Variants in PDE2A observed in about 807,000 individuals in gnomAD.
The protein encoded by PDE2A is phosphodiesterase 2A.
PDE2A carries 53 observed loss-of-function variants against 133.6 expected under a neutral mutation model. That is an observed-to-expected ratio of 0.40 (90% CI 0.32 to 0.50). The LOEUF (loss-of-function observed/expected upper bound fraction) is 0.50, where lower values mean the gene tolerates loss of function less well. Ranked by LOEUF, PDE2A falls within the 20% of genes least tolerant of loss-of-function variation. The pLI, the probability that PDE2A is intolerant of heterozygous loss-of-function variation, is 0.73. For synonymous variants in PDE2A, 491 were observed against 490.2 expected (o/e 1.00, Z -0.02); for missense variants, 796 against 1,232.4 (o/e 0.65, Z 5.30).
At chr11:72,641,177 G>A (rs1368237243) in intron 2 of PDE2A, among the ~76,000 whole-genome samples, 4 of 152,196 alleles carry the variant, frequency 2.6e-5, no homozygotes, top group Admixed American at 6.5e-5. Context: ...TCAAGACCAG[G>A]GCAGCTGGGA....
intron 2 of PDE2A, among the ~76,000 whole-genome samples, chr11:72,624,255 T>C (rs1857933188): frequency 6.6e-6 from 1 of 152,162 alleles, no homozygotes; most frequent in Non-Finnish European, 1.5e-5. Context: ...AGTGCTGGGA[T>C]TATAGGTGTG....
chr11:72,584,382 G>A (rs752444993), intron 18 of PDE2A, 69 bp from the exon 19 acceptor site: 15 of 1,274,578 alleles, frequency 1.2e-5, no homozygotes, highest in South Asian at 3.7e-5. Context: ...GGATCCGGCC[G>A]GGACCTGCCC....
intron 4 of PDE2A, chr11:72,598,864 C>T: frequency 1.0e-6 from 1 of 985,426 alleles, no homozygotes; most frequent in Non-Finnish European, 1.2e-6. Context: ...TCCCACCTTC[C>T]AGCCCCTACA....
At chr11:72,635,998 C>A in intron 2 of PDE2A, 1 of 1,256,710 alleles carries the variant, frequency 8.0e-7, no homozygotes, top group Non-Finnish European at 1.0e-6. Context: ...CCCGAAACTC[C>A]CATGCCCTTC....
At chr11:72,588,659 G>T in intron 13 of PDE2A, 125 bp downstream of exon 13, 1 of 899,768 alleles carries the variant, frequency 1.1e-6, no homozygotes, top group Non-Finnish European at 1.7e-6. Context: ...CTAACACACT[G>T]TTCAACCCAC....
At chr11:72,658,160 CAG>C (rs1335855172) in intron 1 of PDE2A, 43 of 455,820 alleles carry the variant, frequency 9.4e-5, no homozygotes, top group Non-Finnish European at 1.1e-4. Context: ...GGAAGCCTTT[CAG>C]GATGCCCCAC....
chr11:72,637,391 C>T (rs2135428952), intron 2 of PDE2A, among the ~76,000 whole-genome samples: 1 of 152,358 alleles, frequency 6.6e-6, no homozygotes, highest in African/African-American at 2.4e-5. Flanking sequence ...AGGCCTGCAT[C>T]CTGCTCATCT....
intron 1 of PDE2A, among the ~76,000 whole-genome samples, chr11:72,658,477 C>A (rs554763605): frequency 4.0e-4 from 61 of 152,010 alleles, no homozygotes; most frequent in African/African-American, 6.3e-4. Context: ...TGCCCCCCCA[C>A]ACACCCTAGA....
Position 72,590,749 on chromosome 11 carries a change from G to A in PDE2A, c.550-169C>T, listed in dbSNP as rs930998760. Reference sequence around the variant, plus strand: ...ACTCTACCTTCCTGAGGGCTCCCCCGGGGGCTCCCACAGCCCCTGGAGCGT... The same window carrying A: ...ACTCTACCTTCCTGAGGGCTCCCCCAGGGGCTCCCACAGCCCCTGGAGCGT... On this transcript the variant is annotated intron_variant, in intron 7 of 30. Transcript: ENST00000334456. The surrounding 1 kb of genome is among the most constrained non-coding windows in gnomAD (Gnocchi z 4.8). 6.6e-6 allele frequency among the ~76,000 whole-genome samples: 1 copy of A among 152,082 alleles called. No individual in the cohort carries two copies. Among genetic ancestry groups the A allele is most frequent in the East Asian group, 1.9e-4 (1 of 5,182 alleles).
chr11:72,644,158 G>A (rs996647251), intron 1 of PDE2A, among the ~76,000 whole-genome samples: 1 of 152,200 alleles, frequency 6.6e-6, no homozygotes, highest in Non-Finnish European at 1.5e-5. Flanking sequence ...ACCTCCTCTG[G>A]GAGGGCTTCC....
At chr11:72,670,808 G>A (rs926841885) in intron 1 of PDE2A, among the ~76,000 whole-genome samples, 2 of 152,138 alleles carry the variant, frequency 1.3e-5, no homozygotes, top group African/African-American at 4.8e-5. Context: ...GCTGGGCCCT[G>A]CGGAGAAGAC....
chr11:72,600,651 T>A (rs1856701552), intron 4 of PDE2A, among the ~76,000 whole-genome samples: 2 of 152,138 alleles, frequency 1.3e-5, no homozygotes, highest in Non-Finnish European at 2.9e-5. Context: ...GATAGCTCCT[T>A]GCTCAACTCA....
At chr11:72,654,877 G>A (rs550208821) in intron 1 of PDE2A, among the ~76,000 whole-genome samples, 359 of 147,372 alleles carry the variant, frequency 2.4e-3, no homozygotes, top group Non-Finnish European at 3.9e-3. Flanking sequence ...TCCAGCCCCC[G>A]GTCCCCCTAC....
chr11:72,653,983 C>A (rs1294322915), intron 1 of PDE2A, among the ~76,000 whole-genome samples: 5 of 152,200 alleles, frequency 3.3e-5, no homozygotes, highest in African/African-American at 1.2e-4. Flanking sequence ...CACCTCCACC[C>A]CAAGTGACAC....
intron 2 of PDE2A, among the ~76,000 whole-genome samples, chr11:72,616,839 G>A (rs997724235): frequency 4.6e-5 from 7 of 152,204 alleles, no homozygotes; most frequent in Non-Finnish European, 1.0e-4. Flanking sequence ...TTTCATGAGT[G>A]AGGACACCTC....
At chr11:72,668,113 T>C (rs1244692714) in intron 1 of PDE2A, among the ~76,000 whole-genome samples, 1 of 152,110 alleles carries the variant, frequency 6.6e-6, no homozygotes, top group Non-Finnish European at 1.5e-5. Flanking sequence ...CAACACAAAG[T>C]CCAAACTCTC....
intron 1 of PDE2A, among the ~76,000 whole-genome samples, chr11:72,658,473 C>A (rs1342482330): frequency 6.6e-6 from 1 of 152,102 alleles, no homozygotes; most frequent in East Asian, 1.9e-4. Context: ...CACCTGCCCC[C>A]CCACACACCC....
chr11:72,663,348 C>A (rs763587896), intron 1 of PDE2A, among the ~76,000 whole-genome samples: 1 of 152,150 alleles, frequency 6.6e-6, no homozygotes, highest in Non-Finnish European at 1.5e-5. Flanking sequence ...ATACAGAGCG[C>A]GGTGATCACG....
intron 2 of PDE2A, among the ~76,000 whole-genome samples, chr11:72,611,933 G>T (rs1356301466): frequency 1.3e-5 from 2 of 152,176 alleles, no homozygotes; most frequent in African/African-American, 4.8e-5. Flanking sequence ...TGAGGTGTGG[G>T]CTCAGAGGGA....
Sources: gnomAD v4.1 joint callset for allele counts (sites outside exome capture counted in the v4.1 genomes callset) on GRCh38, gnomAD v4.1.1 for gene constraint, Gnocchi (gnomAD v3.1) non-coding constraint, MANE v1.5 for transcripts, NCBI Gene and HGNC (gene_info 2026-07-23, HGNC 2026-07-21) for gene names.